Variants in LRRC7 observed in about 807,000 individuals in gnomAD.
The protein encoded by LRRC7 is leucine rich repeat containing 7, also known as leucine-rich repeat-containing protein 7.
Under a neutral mutation model 175.7 loss-of-function variants are expected in LRRC7, and 23 were observed. That is an observed-to-expected ratio of 0.13 (90% confidence interval 0.09 to 0.19). The LOEUF (loss-of-function observed/expected upper bound fraction) is 0.19, where lower values mean the gene tolerates loss of function less well. Among genes scored for constraint, LRRC7 ranks in the 10% least tolerant of loss-of-function variants. The pLI, the probability that LRRC7 is intolerant of heterozygous loss-of-function variation, is 1.00. For missense variants in LRRC7, 1,354 were observed against 1,904.7 expected, an observed-to-expected ratio of 0.71 and a Z score of 5.38; for synonymous variants, 685 against 680.9, an observed-to-expected ratio of 1.01 and a Z score of -0.09.
intron 2 of LRRC7, among the ~76,000 whole-genome samples, chr1:69,734,203 G>T (rs1667873475): frequency 6.6e-6 from 1 of 151,608 alleles, no homozygotes; most frequent in Admixed American, 6.6e-5. Flanking sequence ...TCAAAATAAA[G>T]AAAATTTAAA....
At chr1:69,906,909 ATTTG>A (rs1221216095) in intron 7 of LRRC7, among the ~76,000 whole-genome samples, 1 of 152,072 alleles carries the variant, frequency 6.6e-6, no homozygotes. Flanking sequence ...ATGTTCTTCC[ATTTG>A]TTTGTATCCT....
At position 70,125,985 on chromosome 1, in the gene LRRC7, C is replaced by T. The variant is rs1483716618; in HGVS notation, c.*4098C>T. The stretch of plus-strand genomic sequence containing the variant: ...TATTTAATATCTATTAATATTTAAG[C>T]TTTCCAGTGTAAAGCTTTGGAAAAT... On this transcript the variant is annotated 3_prime_UTR_variant, in exon 27 of 27. Transcript: ENST00000651989. 6.6e-6 allele frequency among the ~76,000 whole-genome samples: 1 copy of T among 151,808 alleles called. No individual in the cohort carries two copies.
intron 1 of LRRC7, among the ~76,000 whole-genome samples, chr1:69,673,785 T>G (rs1474273992): frequency 6.6e-6 from 1 of 152,184 alleles, no homozygotes; most frequent in African/African-American, 2.4e-5. Context: ...TTTTAGTATT[T>G]TTTTTATATT....
chr1:69,598,765 A>G (rs1017014056), intron 1 of LRRC7, among the ~76,000 whole-genome samples: 1 of 152,190 alleles, frequency 6.6e-6, no homozygotes, highest in Non-Finnish European at 1.5e-5. Context: ...ATGTTTCTCA[A>G]TACAAAAGGA....
At chr1:69,586,591 T>C (rs748881475) in intron 1 of LRRC7, among the ~76,000 whole-genome samples, 1 of 152,174 alleles carries the variant, frequency 6.6e-6, no homozygotes, top group Non-Finnish European at 1.5e-5. Context: ...AGTGAGGTAC[T>C]GCATACCATT....
chr1:69,888,356 A>G (rs1436744244), intron 7 of LRRC7, among the ~76,000 whole-genome samples: 1 of 152,140 alleles, frequency 6.6e-6, no homozygotes, highest in Non-Finnish European at 1.5e-5. Context: ...AAAGCGCAAT[A>G]TTCGGGTGGG....
chr1:70,124,989 G>A lies in LRRC7; in HGVS notation c.*3102G>A, dbSNP rs1470399656. Among the ~76,000 whole-genome samples, 1 of 152,066 alleles carries A rather than the reference G, an allele frequency of 6.6e-6. No homozygotes were observed. Among genetic ancestry groups the A allele is most frequent in the Non-Finnish European group, 1.5e-5 (1 of 68,006 alleles). On this transcript the variant is annotated 3_prime_UTR_variant, in exon 27 of 27. Coordinates refer to ENST00000651989, the MANE Select transcript of LRRC7 (RefSeq NM_001370785.2). Reference sequence around the variant, plus strand: ...TTTTGCAAGACAAATAGATATTAGTGGACAATTTTTAAAACTATTTACAAG... The same window carrying A: ...TTTTGCAAGACAAATAGATATTAGTAGACAATTTTTAAAACTATTTACAAG...
intron 4 of LRRC7, among the ~76,000 whole-genome samples, chr1:69,816,212 A>T (rs1360910802): frequency 6.6e-6 from 1 of 151,984 alleles, no homozygotes; most frequent in Non-Finnish European, 1.5e-5. Context: ...TCCTGACCTC[A>T]AGCAATCCGC....
intron 2 of LRRC7, among the ~76,000 whole-genome samples, chr1:69,753,851 C>T (rs72941448): frequency 0.022 from 3,304 of 152,022 alleles, 119 homozygotes; most frequent in African/African-American, 0.076. Flanking sequence ...GTAATATAGT[C>T]CCAAGAATCA....
intron 2 of LRRC7, among the ~76,000 whole-genome samples, chr1:69,687,905 C>T (rs1193396107): frequency 6.6e-6 from 1 of 152,130 alleles, no homozygotes; most frequent in East Asian, 1.9e-4. Context: ...ATGATTTAGC[C>T]TTTTTCTAAT....
At chr1:70,047,668 AT>A (rs1281651629) in intron 22 of LRRC7, among the ~76,000 whole-genome samples, 3 of 152,002 alleles carry the variant, frequency 2.0e-5, no homozygotes, top group Non-Finnish European at 4.4e-5. Flanking sequence ...ATTTTTTCAT[AT>A]TTATTACATG....
At chr1:70,094,782 A>C (rs1664273257) in intron 25 of LRRC7, among the ~76,000 whole-genome samples, 2 of 152,194 alleles carry the variant, frequency 1.3e-5, no homozygotes, top group South Asian at 4.1e-4. Context: ...AAGTTCAAAA[A>C]TGCACAAGAA....
In LRRC7 at chr1:70,039,619, T is replaced by A; in HGVS notation, c.3795T>A (p.Leu1265=). 1 of 1,614,038 alleles carries A rather than the reference T, an allele frequency of 6.2e-7. No individual in the cohort carries two copies. Among genetic ancestry groups the A allele is most frequent in the Non-Finnish European group, 8.5e-7 (1 of 1,179,976 alleles). The change falls in exon 21 of 27, where the codon CTT becomes CTA. Residue 1265 remains leucine (L), a synonymous_variant. Coordinates refer to ENST00000651989, the MANE Select transcript of LRRC7 (RefSeq NM_001370785.2). ...PVSARPTMAA[L]LEKIPSDYNL... ...CAGCTAGGCCTACTATGGCAGCTCT[T>A]TTGGAAAAAATACCATCTGACTATA...
Position 70,023,157 on chromosome 1 carries a change from G to A in LRRC7, c.1577G>A (p.Gly526Asp). 1 of 1,468,904 alleles carries A rather than the reference G, an allele frequency of 6.8e-7. No homozygotes were observed. Among genetic ancestry groups the A allele is most frequent in the South Asian group, 1.5e-5 (1 of 66,466 alleles). 91.0% of individuals were successfully genotyped at this position (1,468,904 alleles called of 1,614,324 possible). Residue 526 changes from glycine to aspartate, a missense_variant, in exon 17 of 27, where the codon GGC (glycine) becomes GAC (aspartate). Coordinates refer to ENST00000651989, the MANE Select transcript of LRRC7 (RefSeq NM_001370785.2). ...TCCTGCCAAGCCCCCTGGGAAAGGG[G>A]CCAGCGTGGGATTACTCTCCAACCT... ...DLSCQAPWER[G>D]QRGITLQPAR...
At chr1:69,929,225 A>C (rs1647191091) in intron 7 of LRRC7, among the ~76,000 whole-genome samples, 1 of 152,186 alleles carries the variant, frequency 6.6e-6, no homozygotes, top group Non-Finnish European at 1.5e-5. Context: ...TGAGCTGGTA[A>C]GCCATCTCTA....
intron 8 of LRRC7, among the ~76,000 whole-genome samples, chr1:69,940,629 A>G (rs989465111): frequency 6.6e-6 from 1 of 152,088 alleles, no homozygotes; most frequent in Non-Finnish European, 1.5e-5. Flanking sequence ...CTCCCCCTGC[A>G]AAAATAAAAA....
At chr1:69,724,274 G>A (rs965033392) in intron 2 of LRRC7, among the ~76,000 whole-genome samples, 12 of 152,116 alleles carry the variant, frequency 7.9e-5, no homozygotes, top group Admixed American at 2.0e-4. Flanking sequence ...CCCAGCAGGC[G>A]GAGGTTGCAG....
At chr1:69,953,603 TG>T (rs1366456120) in intron 8 of LRRC7, among the ~76,000 whole-genome samples, 2 of 152,220 alleles carry the variant, frequency 1.3e-5, no homozygotes, top group African/African-American at 4.8e-5. Context: ...TTCCATTTCC[TG>T]TTTTCCCTGA....
intron 2 of LRRC7, among the ~76,000 whole-genome samples, chr1:69,732,274 T>A (rs1021749785): frequency 2.3e-4 from 35 of 152,042 alleles, no homozygotes; most frequent in African/African-American, 8.2e-4. Flanking sequence ...AAAAAGATTT[T>A]TTAAAGGTTG....
Sources: allele counts gnomAD v4.1 joint callset (sites outside exome capture counted in the v4.1 genomes callset), GRCh38; gene constraint gnomAD v4.1.1; transcripts MANE v1.5; gene names NCBI Gene and HGNC (gene_info 2026-07-23, HGNC 2026-07-21).